MYO9B: variants seen among roughly 807,000 people sequenced by gnomAD.
The protein encoded by MYO9B is unconventional myosin-IXb.
A neutral mutation model predicts 229.5 loss-of-function variants in MYO9B; 71 were observed. The observed-to-expected ratio is 0.31, with a 90% CI of 0.26 to 0.38. The LOEUF is 0.38. MYO9B is among the 10% of genes least tolerant of loss of function. MYO9B has a pLI of 1.00. For synonymous variants in MYO9B, 1,185 were observed against 1,235.8 expected (o/e 0.96, Z 0.86); for missense variants, 2,255 against 2,920.5 (o/e 0.77, Z 5.25).
At position 17,175,825 on chromosome 19, in the gene MYO9B, T is replaced by TC; in HGVS notation, c.2219+84_2219+85insC. ...AAACAACTTAGGGAATGCTACATTCTTTTTTTTTTTTTTTTTTTTCTTTTG... is the reference window on the plus strand; with the variant it reads ...AAACAACTTAGGGAATGCTACATTCTCTTTTTTTTTTTTTTTTTTTCTTTTG... On this transcript the variant is annotated intron_variant, in intron 14 of 39. Transcript: ENST00000682292. The TC allele has an allele frequency of 2.1e-4, 20 of 95,042 alleles. No individual in the cohort carries two copies. The South Asian group carries it at 5.6e-3, about 27-fold the overall frequency. 5.9% of individuals were successfully genotyped at this position (95,042 alleles called of 1,614,324 possible). A position where few individuals can be genotyped will look rare whatever the true frequency, so the allele number is the denominator to read the frequency against.
intron 11 of MYO9B, among the ~76,000 whole-genome samples, chr19:17,171,425 C>G (rs1287287447): frequency 6.6e-6 from 1 of 152,148 alleles, no homozygotes; most frequent in African/African-American, 2.4e-5. Flanking sequence ...GACCCCCTGT[C>G]CAAGGTATGG....
At chr19:17,095,380 C>T (rs933774112) in intron 1 of MYO9B, 1 of 152,430 alleles carries the variant, frequency 6.6e-6, no homozygotes. Context: ...CCCGGAGTCC[C>T]TGGCAACCAC....
chr19:17,120,915 G>A (rs1378355672), intron 2 of MYO9B, among the ~76,000 whole-genome samples: 1 of 152,150 alleles, frequency 6.6e-6, no homozygotes, highest in East Asian at 1.9e-4. Context: ...GGATTTACAG[G>A]CATGAGCCCT....
At chr19:17,208,744 G>A (rs866284819) in intron 35 of MYO9B, among the ~76,000 whole-genome samples, 2 of 152,168 alleles carry the variant, frequency 1.3e-5, no homozygotes, top group African/African-American at 2.4e-5. Context: ...AATGGTAGTG[G>A]ATTCCTCTCT....
At chr19:17,178,815 C>T (rs2072820253) in intron 14 of MYO9B, among the ~76,000 whole-genome samples, 2 of 152,048 alleles carry the variant, frequency 1.3e-5, no homozygotes, top group Non-Finnish European at 2.9e-5. Context: ...GGGCAGGTCA[C>T]TTGAGGATGG....
intron 26 of MYO9B, 139 bp downstream of exon 26, chr19:17,200,968 G>C (rs1197379437): frequency 9.8e-7 from 1 of 1,023,860 alleles, no homozygotes; most frequent in Admixed American, 2.4e-5. Flanking sequence ...GCCGGGGACA[G>C]TGGTTCATGT....
intron 2 of MYO9B, among the ~76,000 whole-genome samples, chr19:17,114,519 G>A (rs1255367677): frequency 6.6e-6 from 1 of 152,160 alleles, no homozygotes; most frequent in Non-Finnish European, 1.5e-5. Context: ...TCTTCCAGGT[G>A]CACTGAGTGA....
Position 17,185,877 on chromosome 19 carries a change from A to G in MYO9B, c.2497-44A>G, listed in dbSNP as rs1281318334. 4 of 1,519,274 alleles carry G rather than the reference A, an allele frequency of 2.6e-6. No homozygotes were observed. In the African/African-American group the frequency reaches 4.1e-5, roughly 16 times the overall value. The allele number at this position is 1,519,274 out of a possible 1,614,324, so 94.1% of individuals were successfully genotyped here. A position where few individuals can be genotyped will look rare whatever the true frequency, so the allele number is the denominator to read the frequency against. On this transcript the variant is annotated intron_variant, in intron 17 of 39. Transcript: ENST00000682292. ...CTGCTCCCACAGAACAGCGGCTGTC[A>G]GGGTCCCTGATTCAACCCAAATGCT... is the stretch of plus-strand genomic sequence containing the variant.
rs557712067 is a variant in MYO9B, at chr19:17,153,323, T to A, written c.998+617T>A. On this transcript the variant is annotated intron_variant, in intron 4 of 39. Transcript: ENST00000682292. ...CTGAGGCGACTCTCATGCCTCAGCCTCCCGAGTAGCTGGAATTACAGGCAT... is the reference window on the plus strand; with the variant it reads ...CTGAGGCGACTCTCATGCCTCAGCCACCCGAGTAGCTGGAATTACAGGCAT... 3.4e-5 allele frequency among the ~76,000 whole-genome samples: 5 copies of A among 148,176 alleles called. No individual in the cohort carries two copies. The East Asian group carries it at 1.0e-3, about 30-fold the overall frequency.
intron 2 of MYO9B, among the ~76,000 whole-genome samples, chr19:17,105,635 G>T (rs1343053559): frequency 1.3e-5 from 2 of 152,176 alleles, no homozygotes; most frequent in Admixed American, 6.5e-5. Context: ...TGGAGAGAGG[G>T]AGTTGGGGGC....
chr19:17,200,298 C>T lies in MYO9B; in HGVS notation c.4244C>T (p.Thr1415Met). The T allele has an allele frequency of 1.2e-6, 2 of 1,609,138 alleles. No individual in the cohort carries two copies. The highest frequency in any genetic ancestry group is 1.1e-5 in the South Asian group (1 of 90,192). The part of the protein sequence containing the change: ...SPGSQVDSKS[T>M]FKRLFLHKTK... ...CCACGTACTTTCTCCTGCAGATCCA[C>T]GTTTAAGAGGCTTTTTCTGCATAAA... Residue 1415 changes from threonine to methionine, a missense_variant, in exon 25 of 40, where the codon ACG (threonine) becomes ATG (methionine). This residue lies in a region of MYO9B where 679 missense variants were observed against 770.2 expected (regional missense o/e 0.88). Transcript: ENST00000682292.
intron 14 of MYO9B, among the ~76,000 whole-genome samples, chr19:17,179,045 A>C (rs1054554702): frequency 3.3e-5 from 5 of 151,522 alleles, no homozygotes; most frequent in Non-Finnish European, 4.4e-5. Context: ...AAAAAAAAAA[A>C]AAACTAGGGT....
At chr19:17,157,115 C>T (rs2072545814) in intron 7 of MYO9B, 77 bp downstream of exon 7, 6 of 1,512,284 alleles carry the variant, frequency 4.0e-6, no homozygotes, top group Non-Finnish European at 5.3e-6. Context: ...GGGACCATAC[C>T]CAGAACTTCC....
rs1440524703 is a variant in MYO9B, at chr19:17,212,253, G to A, written c.6417G>A (p.Arg2139=). The A allele has an allele frequency of 5.1e-6, 8 of 1,575,980 alleles. No homozygotes were observed. The highest frequency in any genetic ancestry group is 3.5e-5 in the South Asian group (3 of 86,266). ...EDGQPPGAKR[R]YSDPPTYCLP... Reference sequence around the variant, plus strand: ...GCCAGCCACCTGGGGCCAAGCGGAGGTACTCGGATCCCCCAACGTACTGCC... The same window carrying A: ...GCCAGCCACCTGGGGCCAAGCGGAGATACTCGGATCCCCCAACGTACTGCC... Residue 2139 remains arginine, a synonymous_variant, in exon 40 of 40, where the codon AGG becomes AGA. Coordinates refer to ENST00000682292, the MANE Select transcript of MYO9B (RefSeq NM_004145.4). The surrounding 1 kb of genome is among the most constrained non-coding windows in gnomAD (Gnocchi z 5.4).
Position 17,205,325 on chromosome 19 carries a change from T to C in MYO9B, c.5053T>C (p.Tyr1685His). ...GATTCAGAGCCACTGCTCCTACACC[T>C]ACGGGAGGAAGGTGAGTGTACGAGG... ...HKIQSHCSYTYGRKGEPGVEP... is the reference protein window; with the variant it reads ...HKIQSHCSYTHGRKGEPGVEP... Residue 1685 changes from tyrosine (Y) to histidine (H), a missense_variant, in exon 31 of 40, where the codon TAC becomes CAC. Physicochemically the swap from Tyr to His is moderately conservative, Grantham distance 83. Transcript: ENST00000682292. 6.2e-7 allele frequency: 1 copy of C among 1,613,630 alleles called. No homozygotes were observed. Among genetic ancestry groups the C allele is most frequent in the Non-Finnish European group, 8.5e-7 (1 of 1,179,726 alleles).
intron 19 of MYO9B, 138 bp from the exon 20 acceptor site, chr19:17,190,959 A>G: frequency 1.1e-6 from 1 of 948,996 alleles, no homozygotes; most frequent in Non-Finnish European, 1.5e-6. Context: ...CTATTTCTGA[A>G]AGCCTGAAAT....
At chr19:17,196,194 A>G (rs2073041387) in intron 22 of MYO9B, among the ~76,000 whole-genome samples, 1 of 151,118 alleles carries the variant, frequency 6.6e-6, no homozygotes, top group Non-Finnish European at 1.5e-5. Context: ...TGATGGAAGG[A>G]TGGATGGAAG....
At chr19:17,137,374 C>T (rs1175784001) in intron 2 of MYO9B, among the ~76,000 whole-genome samples, 6 of 151,994 alleles carry the variant, frequency 3.9e-5, no homozygotes, top group African/African-American at 1.2e-4. Flanking sequence ...CCAGTCTGGG[C>T]GACAGAGTGA....
At chr19:17,176,727 A>G (rs2072794232) in intron 14 of MYO9B, among the ~76,000 whole-genome samples, 1 of 152,060 alleles carries the variant, frequency 6.6e-6, no homozygotes, top group Admixed American at 6.6e-5. Flanking sequence ...TTGATTGGAG[A>G]GTTCTTCCCC....
Sources: allele counts gnomAD v4.1 joint callset (sites outside exome capture counted in the v4.1 genomes callset), GRCh38; gene constraint gnomAD v4.1.1; regional missense constraint gnomAD v4.1.1; non-coding constraint Gnocchi (gnomAD v3.1); transcripts MANE v1.5; gene names NCBI Gene and HGNC (gene_info 2026-07-23, HGNC 2026-07-21).